Variants in PLCD1 observed in about 807,000 individuals in gnomAD.
The protein encoded by PLCD1 is phospholipase C delta 1.
PLCD1 carries 71 observed loss-of-function variants against 87.4 expected under a neutral mutation model. The ratio of observed to expected loss-of-function variants is 0.81; its 90% confidence interval spans 0.67 to 0.99. The LOEUF is 0.99. Ranked by LOEUF, PLCD1 falls within the 50% of genes least tolerant of loss-of-function variation. The pLI is 0.00. For missense variants in PLCD1, 867 were observed against 1,001.5 expected, an observed-to-expected ratio of 0.87 and a Z score of 1.81; for synonymous variants, 348 against 399.2, an observed-to-expected ratio of 0.87 and a Z score of 1.53.
chr3:38,009,865 C>G, intron 8 of PLCD1, 39 bp downstream of exon 8: 1 of 1,600,142 alleles, frequency 6.2e-7, no homozygotes. Context: ...GGCTAGGCTC[C>G]CCACCCTCCC....
rs1699984919 is a variant in PLCD1, at chr3:38,007,774, T to C, written c.2270A>G (p.Ter757TrpextTer10). The change falls in exon 15 of 15, where the codon TAG (stop) becomes TGG (tryptophan). Residue 757 changes from the stop codon to tryptophan (W), a stop_lost. Transcript: ENST00000334661. ...TLFVKISLQD[*>W] ...GGGACCCCACTGGCTTCCTCCAGCC[T>C]AGTCCTGGAGGGAGATCTTCACAAA... is the stretch of plus-strand genomic sequence containing the variant. The C allele has an allele frequency of 5.0e-6, 8 of 1,610,612 alleles. No individual in the cohort carries two copies. The highest frequency in any genetic ancestry group is 6.8e-6 in the Non-Finnish European group (8 of 1,177,002).
At chr3:38,024,101 T>C (rs1333755616) in intron 1 of PLCD1, 1 of 515,156 alleles carries the variant, frequency 1.9e-6, no homozygotes, top group African/African-American at 2.0e-5. Flanking sequence ...ATGGGGAGCG[T>C]TGGAAGGGCT....
In PLCD1 at chr3:38,009,511, A is replaced by G. The variant is rs566217681; in HGVS notation, c.1447-80T>C. The G allele has an allele frequency of 1.1e-4, 177 of 1,570,980 alleles. 1 individual carries two copies. In the Middle Eastern group the frequency reaches 2.8e-3, roughly 25 times the overall value. ...CTGAGAAAGCCAGAAACCCAGGCGC[A>G]GAGAGACAGAGGGAGACAGACAGAG... On this transcript the variant is annotated intron_variant, in intron 9 of 14. Coordinates refer to ENST00000334661, the MANE Select transcript of PLCD1 (RefSeq NM_006225.4).
chr3:38,028,547 G>A (rs756173104), intron 1 of PLCD1, among the ~76,000 whole-genome samples: 2 of 152,158 alleles, frequency 1.3e-5, no homozygotes, highest in African/African-American at 2.4e-5. Context: ...GATGGGTGGT[G>A]GCCACTAAAG....
In PLCD1 at chr3:38,007,739, C is replaced by CCACT. The variant is rs758290210; in HGVS notation, c.*30_*33dup. ...CCCACATGTGGACAGAGGGCCCAGC[C>CCACT]CACTCAGGGGGGACCCCACTGGCTT... On this transcript the variant is annotated 3_prime_UTR_variant, in exon 15 of 15. Transcript: ENST00000334661. 1 of 1,514,838 alleles carries CCACT rather than the reference C, an allele frequency of 6.6e-7. No homozygotes were observed. The highest frequency in any genetic ancestry group is 9.2e-7 in the Non-Finnish European group (1 of 1,089,838). 93.8% of individuals were successfully genotyped at this position (1,514,838 alleles called of 1,614,324 possible). A position where few individuals can be genotyped will look rare whatever the true frequency, so the allele number is the denominator to read the frequency against.
At position 38,020,041 on chromosome 3, in the gene PLCD1, C is replaced by T. The variant is rs1700210339; in HGVS notation, c.199+147G>A. On this transcript the variant is annotated intron_variant, in intron 2 of 14. Transcript: ENST00000334661. Reference sequence around the variant, plus strand: ...CCAGCCTCAGTTTCCCCACTGCCAGCCCAGGTTATATAAATGACCTATGCC... The same window carrying T: ...CCAGCCTCAGTTTCCCCACTGCCAGTCCAGGTTATATAAATGACCTATGCC... 7 of 766,592 alleles carry T rather than the reference C, an allele frequency of 9.1e-6. No homozygotes were observed. In the East Asian group the frequency reaches 1.7e-4, roughly 19 times the overall value. 47.5% of individuals were successfully genotyped at this position (766,592 alleles called of 1,614,324 possible).
intron 1 of PLCD1, among the ~76,000 whole-genome samples, chr3:38,026,348 G>A (rs1384166401): frequency 2.0e-5 from 3 of 152,024 alleles, no homozygotes; most frequent in Non-Finnish European, 2.9e-5. Context: ...GAGACACCCC[G>A]TCTCTGCTAA....
chr3:38,026,293 A>AGGCTGAGGCAGGT (rs1700307493), intron 1 of PLCD1, among the ~76,000 whole-genome samples: 1 of 152,146 alleles, frequency 6.6e-6, no homozygotes, highest in Non-Finnish European at 1.5e-5. Context: ...CCAAGGTAGG[A>AGGCTGAGGCAGGT]GGATCACTTA....
chr3:38,023,515 A>T (rs1435745938), intron 1 of PLCD1, among the ~76,000 whole-genome samples: 1 of 152,208 alleles, frequency 6.6e-6, no homozygotes, highest in African/African-American at 2.4e-5. Context: ...CCTGTTTTAC[A>T]CAAGAGGAAA....
At chr3:38,011,151 A>AG (rs1198672807) in intron 5 of PLCD1, 63 bp downstream of exon 5, 1 of 1,322,478 alleles carries the variant, frequency 7.6e-7, no homozygotes, top group African/African-American at 1.4e-5. Context: ...CAGTCTCCCC[A>AG]GGGGTCTCCC....
At position 38,009,444 on chromosome 3, in the gene PLCD1, G is replaced by C; in HGVS notation, c.1447-13C>G. The C allele has an allele frequency of 6.2e-7, 1 of 1,614,062 alleles. No individual in the cohort carries two copies. The highest frequency in any genetic ancestry group is 8.5e-7 in the Non-Finnish European group (1 of 1,179,932). On this transcript the variant is annotated splice_polypyrimidine_tract_variant and intron_variant, in intron 9 of 14. Coordinates refer to ENST00000334661, the MANE Select transcript of PLCD1 (RefSeq NM_006225.4). ...TGAGCTTGTCCTCCTGGGGAACACGGGGAGGCCCGGGTTAGATTCAGTGGT... is the reference window on the plus strand; with the variant it reads ...TGAGCTTGTCCTCCTGGGGAACACGCGGAGGCCCGGGTTAGATTCAGTGGT...
At chr3:38,023,132 C>A (rs1285552261) in intron 1 of PLCD1, among the ~76,000 whole-genome samples, 1 of 151,950 alleles carries the variant, frequency 6.6e-6, no homozygotes, top group Non-Finnish European at 1.5e-5. Flanking sequence ...GAGGGAGGTG[C>A]CAGGAGTCCT....
rs769416145 is a variant in PLCD1, at chr3:38,010,523, A to G, written c.830T>C (p.Met277Thr). ...GCTGCCGTCAGCCGACAGTAAGTAC[A>G]TGAGGAAGCCGTCCTTGGTCATCTG... ...QRQMTKDGFL[M>T]YLLSADGSAF... is the part of the protein sequence containing the mutation. Residue 277 changes from methionine (M) to threonine (T), a missense_variant, in exon 6 of 15, where the codon ATG (methionine) becomes ACG (threonine). Coordinates refer to ENST00000334661, the MANE Select transcript of PLCD1 (RefSeq NM_006225.4). 6 of 1,614,016 alleles carry G rather than the reference A, an allele frequency of 3.7e-6. No homozygotes were observed. Among genetic ancestry groups the G allele is most frequent in the African/African-American group, 1.3e-5 (1 of 74,936 alleles).
Position 38,020,329 on chromosome 3 carries a change from G to A in PLCD1, c.58C>T (p.Gln20Ter), listed in dbSNP as rs148796522. 20 of 1,613,898 alleles carry A rather than the reference G, an allele frequency of 1.2e-5. No individual in the cohort carries two copies. The highest frequency in any genetic ancestry group is 2.7e-5 in the African/African-American group (2 of 74,910). Residue 20 changes from glutamine (Q) to a stop codon, truncating the protein, a stop_gained, in exon 2 of 15, where the codon CAG becomes TAG. Transcript: ENST00000334661. LOFTEE classifies it high-confidence loss of function. ...AGCTGGCTGCCCTTCAGCAGCGCCT[G>A]TAGATCCTCATCATCCTGTAGGCCT... ...LHGLQDDEDLQALLKGSQLLK... is the reference protein window; with the variant it reads ...LHGLQDDEDL
intron 2 of PLCD1, 29 bp downstream of exon 2, chr3:38,020,159 C>A (rs762963072): frequency 3.7e-6 from 6 of 1,601,862 alleles, no homozygotes; most frequent in Non-Finnish European, 5.1e-6. Context: ...CACACTCTAT[C>A]CCCTCCCCTG....
chr3:38,009,534 G>A, intron 9 of PLCD1, 103 bp from the exon 10 acceptor site: 1 of 1,555,488 alleles, frequency 6.4e-7, no homozygotes, highest in Non-Finnish European at 8.9e-7. Context: ...GAGACAGACA[G>A]AGAGAGCGGG....
At chr3:38,027,563 C>G (rs1458226117) in intron 1 of PLCD1, among the ~76,000 whole-genome samples, 1 of 152,216 alleles carries the variant, frequency 6.6e-6, no homozygotes, top group African/African-American at 2.4e-5. Flanking sequence ...GGGGTGAGGA[C>G]AGAAGGGACA....
Position 38,009,162 on chromosome 3 carries a change from AG to A in PLCD1, c.1607-5del. 1 of 1,613,868 alleles carries A rather than the reference AG, an allele frequency of 6.2e-7. No homozygotes were observed. Among genetic ancestry groups the A allele is most frequent in the Non-Finnish European group, 8.5e-7 (1 of 1,179,880 alleles). On this transcript the variant is annotated splice_region_variant and splice_polypyrimidine_tract_variant and intron_variant, in intron 10 of 14. Coordinates refer to ENST00000334661, the MANE Select transcript of PLCD1 (RefSeq NM_006225.4). The stretch of plus-strand genomic sequence containing the variant: ...TTGTGGCGGACAAAGCCGTTTCCTG[AG>A]GGGAGGTGTGGTTCGGTCAGCAGTG...
At chr3:38,015,347 T>A (rs552747116) in intron 3 of PLCD1, among the ~76,000 whole-genome samples, 113 of 152,318 alleles carry the variant, frequency 7.4e-4, no homozygotes, top group African/African-American at 2.6e-3. Context: ...AAAGACTCCA[T>A]GATTCCGTTT....
Sources: allele counts gnomAD v4.1 joint callset (sites outside exome capture counted in the v4.1 genomes callset), GRCh38; gene constraint gnomAD v4.1.1; transcripts MANE v1.5; gene names NCBI Gene and HGNC (gene_info 2026-07-23, HGNC 2026-07-21).